IMPACT: variants seen among roughly 807,000 people sequenced by gnomAD.
The protein encoded by IMPACT is impact RWD domain protein.
IMPACT carries 35 observed loss-of-function variants against 47.5 expected under a neutral mutation model. The ratio of observed to expected loss-of-function variants is 0.74; its 90% CI spans 0.56 to 0.98. The LOEUF is 0.98. Among genes scored for constraint, IMPACT ranks in the 50% least tolerant of loss-of-function variants. IMPACT has a pLI of 0.00. For synonymous variants in IMPACT, 118 were observed against 125.6 expected, an observed-to-expected ratio of 0.94 and a Z score of 0.40; for missense variants, 373 against 394.8, an observed-to-expected ratio of 0.94 and a Z score of 0.47.
At chr18:24,446,817 T>C (rs1220277328) in intron 8 of IMPACT, among the ~76,000 whole-genome samples, 1 of 152,224 alleles carries the variant, frequency 6.6e-6, no homozygotes, top group African/African-American at 2.4e-5. Context: ...TAGACTACTC[T>C]CAGTCATTAA....
intron 4 of IMPACT, among the ~76,000 whole-genome samples, chr18:24,431,850 C>T (rs188547446): frequency 3.9e-5 from 6 of 151,958 alleles, no homozygotes; most frequent in African/African-American, 1.5e-4. Flanking sequence ...TACAGGCGCC[C>T]GCCACCACGC....
intron 4 of IMPACT, among the ~76,000 whole-genome samples, chr18:24,437,122 A>G (rs1260921227): frequency 6.6e-6 from 1 of 152,128 alleles, no homozygotes; most frequent in Non-Finnish European, 1.5e-5. Flanking sequence ...AGTGATAAAG[A>G]GAGATAATGG....
chr18:24,451,510 G>A lies in IMPACT; in HGVS notation c.*663G>A, dbSNP rs1045566863. On this transcript the variant is annotated 3_prime_UTR_variant, in exon 11 of 11. Coordinates refer to ENST00000284202, the MANE Select transcript of IMPACT (RefSeq NM_018439.4). ...ATTGGTGATTGTGAAATTACAGAAA[G>A]TGATTTTCTAGTCTGCTTTTTTTGT... The A allele has an allele frequency of 2.0e-5, 3 of 152,210 alleles. No homozygotes were observed. The highest frequency in any genetic ancestry group is 1.3e-4 in the Admixed American group (2 of 15,278). The allele number at this position is 152,210 out of a possible 1,614,324, so 9.4% of individuals were successfully genotyped here.
At chr18:24,448,870 G>T (rs1228453154) in intron 9 of IMPACT, among the ~76,000 whole-genome samples, 2 of 150,918 alleles carry the variant, frequency 1.3e-5, no homozygotes, top group Admixed American at 1.3e-4. Flanking sequence ...TTCTTCATCT[G>T]TCTGGTGATC....
intron 5 of IMPACT, among the ~76,000 whole-genome samples, chr18:24,440,184 C>G (rs191823537): frequency 2.6e-5 from 4 of 151,360 alleles, no homozygotes; most frequent in Admixed American, 1.3e-4. Flanking sequence ...AAATGCCATC[C>G]TATCATATTT....
rs781343786 is a variant in IMPACT at position 24,430,375 on chromosome 18, A to G, written c.272A>G (p.Glu91Gly). 1 of 1,597,962 alleles carries G rather than the reference A, an allele frequency of 6.3e-7. No individual in the cohort carries two copies. The highest frequency in any genetic ancestry group is 1.8e-5 in the Admixed American group (1 of 55,938). ...ERADLSNSLE[E>G]IYIQNIGESI... ...GCGGATTTATCAAATAGCCTTGAGG[A>G]AATATATATGTAAGTGACAGGCGAT... The change falls in exon 4 of 11, where the codon GAA becomes GGA. Residue 91 changes from glutamate (E) to glycine (G), a missense_variant. Transcript: ENST00000284202.
In IMPACT at chr18:24,451,315, C is replaced by T. The variant is rs977250403; in HGVS notation, c.*468C>T. 6.6e-6 allele frequency: 1 copy of T among 152,420 alleles called. No homozygotes were observed. The highest frequency in any genetic ancestry group is 2.4e-5 in the African/African-American group (1 of 41,558). 9.4% of individuals were successfully genotyped at this position (152,420 alleles called of 1,614,324 possible). On this transcript the variant is annotated 3_prime_UTR_variant, in exon 11 of 11. Transcript: ENST00000284202. ...ATTTAAGATTGATCTTGGAGAGTTT[C>T]TTCTTGTGATTTTAGTTCATAAGTA...
intron 7 of IMPACT, among the ~76,000 whole-genome samples, chr18:24,444,689 A>C (rs902696200): frequency 3.9e-5 from 6 of 152,194 alleles, no homozygotes; most frequent in African/African-American, 1.2e-4. Flanking sequence ...TGTTCCCACT[A>C]AGGTTGCCAG....
intron 4 of IMPACT, among the ~76,000 whole-genome samples, chr18:24,432,657 A>G (rs745558374): frequency 2.0e-5 from 3 of 151,420 alleles, no homozygotes; most frequent in Non-Finnish European, 4.4e-5. Flanking sequence ...GCCCCCAACA[A>G]ACTTCTTTCT....
intron 3 of IMPACT, chr18:24,429,755 T>C (rs1908703580): frequency 1.3e-5 from 2 of 151,980 alleles, no homozygotes; most frequent in Admixed American, 1.3e-4. Flanking sequence ...TATAGAATTC[T>C]TATAAACATA....
At chr18:24,430,437 CT>C in intron 4 of IMPACT, 53 bp downstream of exon 4, 1 of 1,359,026 alleles carries the variant, frequency 7.4e-7, no homozygotes. Context: ...GTATTGTGGG[CT>C]TTTGTTGAAC....
chr18:24,449,769 A>C, intron 9 of IMPACT, 50 bp from the exon 10 acceptor site: 3 of 1,514,544 alleles, frequency 2.0e-6, no homozygotes, highest in Non-Finnish European at 2.7e-6. Context: ...TAAAACTCAT[A>C]TTTATACATG....
intron 1 of IMPACT, 37 bp from the exon 2 acceptor site, chr18:24,427,882 T>A: frequency 6.4e-7 from 1 of 1,572,064 alleles, no homozygotes; most frequent in Non-Finnish European, 8.6e-7. Flanking sequence ...TTAAGATGTG[T>A]ACATTTGTTG....
intron 9 of IMPACT, 97 bp downstream of exon 9, chr18:24,448,280 T>A: frequency 1.5e-6 from 1 of 671,552 alleles, no homozygotes; most frequent in Non-Finnish European, 2.6e-6. Flanking sequence ...TCAGTTGAAC[T>A]ATGTAACATA....
chr18:24,427,744 A>G, intron 1 of IMPACT, 175 bp from the exon 2 acceptor site: 1 of 575,600 alleles, frequency 1.7e-6, no homozygotes, highest in Non-Finnish European at 2.9e-6. Flanking sequence ...CCTAGCAACC[A>G]CCCAGAGAGC....
intron 4 of IMPACT, among the ~76,000 whole-genome samples, chr18:24,433,665 AT>A (rs34462493): frequency 0.63 from 56,694 of 90,292 alleles, 16,874 homozygotes; most frequent in Middle Eastern, 0.74. Flanking sequence ...GTGTGACAGC[AT>A]TTTTTTTTTT....
intron 4 of IMPACT, among the ~76,000 whole-genome samples, chr18:24,435,906 A>G (rs1477819134): frequency 1.4e-5 from 2 of 138,274 alleles, no homozygotes; most frequent in Non-Finnish European, 3.3e-5. Context: ...TTTCAAAGGG[A>G]TGGTTTCCAG....
intron 1 of IMPACT, 153 bp from the exon 2 acceptor site, chr18:24,427,766 A>G: frequency 1.6e-6 from 1 of 638,812 alleles, no homozygotes; most frequent in Non-Finnish European, 2.6e-6. Context: ...GAACATGGTG[A>G]CCTGCTCTTA....
At position 24,446,107 on chromosome 18, in the gene IMPACT, A is replaced by G. The variant is rs939192496; in HGVS notation, c.668+641A>G. ...TTTATTTTGGTTTGGTTTTTGAGAC[A>G]GGGTCTCAAAAACCCTGTTGCCCAG... On this transcript the variant is annotated intron_variant, in intron 8 of 10. Transcript: ENST00000284202. Among the ~76,000 whole-genome samples, 13 of 152,258 alleles carry G rather than the reference A, an allele frequency of 8.5e-5. No homozygotes were observed. In the East Asian group the frequency reaches 2.5e-3, roughly 29 times the overall value.
Sources: gnomAD v4.1 joint callset for allele counts (sites outside exome capture counted in the v4.1 genomes callset) on GRCh38, gnomAD v4.1.1 for gene constraint, MANE v1.5 for transcripts, NCBI Gene and HGNC (gene_info 2026-07-23, HGNC 2026-07-21) for gene names.